Variants in CPA6 observed in about 807,000 individuals in gnomAD.
CPA6 encodes the protein carboxypeptidase A6, also known as carboxypeptidase B.
A neutral mutation model predicts 63.3 loss-of-function variants in CPA6; 58 were observed. That is an observed-to-expected ratio of 0.92 (90% CI 0.74 to 1.14). The LOEUF is 1.14. CPA6 is among the 50% of genes most tolerant of loss of function. CPA6 has a pLI of 0.00. For synonymous variants in CPA6, 185 were observed against 179.0 expected (o/e 1.03, Z -0.27); for missense variants, 565 against 526.6 (o/e 1.07, Z -0.71).
chr8:67,650,664 G>T (rs1367217118), intron 1 of CPA6, among the ~76,000 whole-genome samples: 9 of 152,118 alleles, frequency 5.9e-5, no homozygotes, highest in Non-Finnish European at 8.8e-5. Context: ...GGTGGTAGTG[G>T]AGGGATACAC....
intron 2 of CPA6, among the ~76,000 whole-genome samples, chr8:67,565,414 A>T (rs987359555): frequency 2.0e-5 from 3 of 152,192 alleles, no homozygotes; most frequent in Non-Finnish European, 4.4e-5. Flanking sequence ...TCTGAAAATG[A>T]CACTCACTTT....
At chr8:67,621,807 C>A (rs1236968744) in intron 2 of CPA6, among the ~76,000 whole-genome samples, 1 of 152,210 alleles carries the variant, frequency 6.6e-6, no homozygotes, top group Non-Finnish European at 1.5e-5. Flanking sequence ...GTCCCCTAAG[C>A]TCCTTTACAT....
intron 2 of CPA6, among the ~76,000 whole-genome samples, chr8:67,593,099 G>C (rs1278930489): frequency 6.7e-6 from 1 of 149,252 alleles, no homozygotes; most frequent in Non-Finnish European, 1.5e-5. Flanking sequence ...TGTTCTCGTT[G>C]GTTTCAAAGA....
chr8:67,684,100 T>A (rs980940941), intron 1 of CPA6, among the ~76,000 whole-genome samples: 6 of 149,602 alleles, frequency 4.0e-5, no homozygotes. Context: ...TTGCCCAGGC[T>A]GGTCTCAAAC....
Position 67,679,796 on chromosome 8 carries a change from T to C in CPA6, c.117-55545A>G, listed in dbSNP as rs555822683. On this transcript the variant is annotated intron_variant, in intron 1 of 10. Transcript: ENST00000297770. ...GTCTGCTATTTAGAGGGCATTTCCA[T>C]AGTTCAACCTAACATTAAGGTTTAG... 3.3e-5 allele frequency among the ~76,000 whole-genome samples: 5 copies of C among 152,354 alleles called. No homozygotes were observed. The South Asian group carries it at 1.0e-3, about 32-fold the overall frequency.
At chr8:67,498,410 C>T (rs1364449903) in intron 6 of CPA6, among the ~76,000 whole-genome samples, 2 of 151,538 alleles carry the variant, frequency 1.3e-5, no homozygotes, top group African/African-American at 4.9e-5. Flanking sequence ...GTGGTGCGCA[C>T]CTGTAATCCC....
chr8:67,463,486 A>ATAAAT lies in CPA6; in HGVS notation c.838+20281_838+20282insATTTA, dbSNP rs58675908. ...AATAAATAAATAAATAGATAAATAA[A>ATAAAT]AGAAGAATTCTAAAACTAAGTTTAG... On this transcript the variant is annotated intron_variant, in intron 8 of 10. Coordinates refer to ENST00000297770, the MANE Select transcript of CPA6 (RefSeq NM_020361.5). Among the ~76,000 whole-genome samples the ATAAAT allele has an allele frequency of 5.0e-3, 751 of 151,616 alleles. 9 individuals are homozygous for ATAAAT. Among genetic ancestry groups the ATAAAT allele is most frequent in the South Asian group, 0.025 (122 of 4,790 alleles).
At chr8:67,542,597 A>G (rs781542187) in intron 2 of CPA6, among the ~76,000 whole-genome samples, 3 of 152,232 alleles carry the variant, frequency 2.0e-5, no homozygotes, top group Non-Finnish European at 4.4e-5. Flanking sequence ...CTGTAATTCA[A>G]AGGAGCTTTG....
intron 2 of CPA6, among the ~76,000 whole-genome samples, chr8:67,580,885 G>A (rs1035989080): frequency 2.0e-5 from 3 of 152,152 alleles, no homozygotes; most frequent in African/African-American, 7.2e-5. Flanking sequence ...CTTATTTAAG[G>A]GGAATGTGTT....
rs146910623 is a variant in CPA6, at chr8:67,456,483, T to C, written c.839-22243A>G. On this transcript the variant is annotated intron_variant, in intron 8 of 10. Coordinates refer to ENST00000297770, the MANE Select transcript of CPA6 (RefSeq NM_020361.5). The stretch of plus-strand genomic sequence containing the variant: ...AAGCAGTCAAACCTTTTCTGAATTA[T>C]TGTAGGGGTCCCGTGACCCCAGGCT... Among the ~76,000 whole-genome samples the C allele has an allele frequency of 6.6e-5, 10 of 152,346 alleles. No homozygotes were observed. In the East Asian group the frequency reaches 1.9e-3, roughly 29 times the overall value.
At chr8:67,554,635 C>G (rs1337826447) in intron 2 of CPA6, among the ~76,000 whole-genome samples, 1 of 152,156 alleles carries the variant, frequency 6.6e-6, no homozygotes, top group Non-Finnish European at 1.5e-5. Flanking sequence ...AGTCCAAGTC[C>G]AAAGACCTCT....
chr8:67,682,797 A>G (rs1353560568), intron 1 of CPA6, among the ~76,000 whole-genome samples: 1 of 152,208 alleles, frequency 6.6e-6, no homozygotes. Context: ...CCTGTGAATT[A>G]TGAGGATTTT....
chr8:67,601,143 C>T (rs974503692), intron 2 of CPA6, among the ~76,000 whole-genome samples: 1 of 152,044 alleles, frequency 6.6e-6, no homozygotes, highest in Non-Finnish European at 1.5e-5. Flanking sequence ...TTATAAATGC[C>T]ACATAAATAA....
chr8:67,578,272 A>C (rs745942075), intron 2 of CPA6, among the ~76,000 whole-genome samples: 1 of 152,142 alleles, frequency 6.6e-6, no homozygotes, highest in Non-Finnish European at 1.5e-5. Context: ...ATATTTCTCA[A>C]ATTACAAATA....
chr8:67,569,597 A>T (rs1026830131), intron 2 of CPA6: 10 of 452,918 alleles, frequency 2.2e-5, no homozygotes, highest in African/African-American at 2.0e-4. Context: ...GCTGAAATTG[A>T]TGAAGAACCA....
chr8:67,655,280 G>A (rs746449656), intron 1 of CPA6, among the ~76,000 whole-genome samples: 2 of 152,092 alleles, frequency 1.3e-5, no homozygotes, highest in Admixed American at 6.6e-5. Flanking sequence ...GCATATGCAA[G>A]TCTTTTGGCT....
rs1467678439 is a variant in CPA6 at position 67,607,152 on chromosome 8, T to C, written c.192+17024A>G. Among the ~76,000 whole-genome samples, 108 of 72,856 alleles carry C rather than the reference T, an allele frequency of 1.5e-3. 4 individuals are homozygous for C. The highest frequency in any genetic ancestry group is 2.5e-3 in the African/African-American group (42 of 16,694). 47.8% of individuals were successfully genotyped at this position (72,856 alleles called of 152,430 possible). A position where few individuals can be genotyped will look rare whatever the true frequency, so the allele number is the denominator to read the frequency against. On this transcript the variant is annotated intron_variant, in intron 2 of 10. Transcript: ENST00000297770. ...CTCCTCCTCCCCCTCCTCCCCCCCC[T>C]CCTCTTCTTCTTCTTCCTCTTCTTC...
At chr8:67,734,236 G>T (rs73254268) in intron 1 of CPA6, among the ~76,000 whole-genome samples, 4,661 of 151,780 alleles carry the variant, frequency 0.031, 129 homozygotes, top group African/African-American at 0.069. Flanking sequence ...CAGGCATTGG[G>T]GGGAGCAAAC....
At chr8:67,422,828 A>G (rs1263986203) in intron 10 of CPA6, 137 bp from the exon 11 acceptor site, 1 of 645,342 alleles carries the variant, frequency 1.5e-6, no homozygotes, top group Non-Finnish European at 2.5e-6. Flanking sequence ...AATAAGAATG[A>G]TTTAACAGGA....
Sources: gnomAD v4.1 joint callset for allele counts (sites outside exome capture counted in the v4.1 genomes callset) on GRCh38, gnomAD v4.1.1 for gene constraint, MANE v1.5 for transcripts, NCBI Gene and HGNC (gene_info 2026-07-23, HGNC 2026-07-21) for gene names.